POFUT2: variants seen among roughly 807,000 people sequenced by gnomAD.
POFUT2 encodes the protein protein O-fucosyltransferase 2.
In POFUT2, 30 loss-of-function variants were observed where a neutral mutation model predicts 55.0. That is an observed-to-expected ratio of 0.55 (90% CI 0.41 to 0.74). POFUT2 has a LOEUF of 0.74. POFUT2 is among the 30% of genes least tolerant of loss of function. The pLI is 0.00. For missense variants in POFUT2, 524 were observed against 562.6 expected (o/e 0.93, Z 0.69); for synonymous variants, 267 against 231.1 (o/e 1.16, Z -1.41).
rs533452742 is a variant in POFUT2 at position 45,279,731 on chromosome 21, T to C, written c.639-1562A>G. ...ACGCCCTCATGGTTCACACAAAGACTCTTCTACAGAAACCTGGAAACAACC... is the reference window on the plus strand; with the variant it reads ...ACGCCCTCATGGTTCACACAAAGACCCTTCTACAGAAACCTGGAAACAACC... On this transcript the variant is annotated intron_variant, in intron 4 of 8. Transcript: ENST00000349485. Among the ~76,000 whole-genome samples the C allele has an allele frequency of 3.9e-5, 6 of 152,252 alleles. No homozygotes were observed. The East Asian group carries it at 1.2e-3, about 29-fold the overall frequency.
rs1481185711 is a variant in POFUT2, at chr21:45,285,485, C to T, written c.382+193G>A. On this transcript the variant is annotated intron_variant, in intron 2 of 8. Coordinates refer to ENST00000349485, the MANE Select transcript of POFUT2 (RefSeq NM_133635.6). The surrounding 1 kb of genome is among the most constrained non-coding windows in gnomAD (Gnocchi z 4.9). ...TCCGAGAAACATTTTGGGAAGCTCA[C>T]TGCAGCGTGGGAAAGGGACTGTGCT... 4.3e-6 allele frequency: 3 copies of T among 697,444 alleles called. No individual in the cohort carries two copies. The highest frequency in any genetic ancestry group is 5.7e-5 in the East Asian group (2 of 35,052). 43.2% of individuals were successfully genotyped at this position (697,444 alleles called of 1,614,324 possible).
chr21:45,286,363 A>T (rs968419457), intron 1 of POFUT2, among the ~76,000 whole-genome samples: 1 of 152,268 alleles, frequency 6.6e-6, no homozygotes, highest in Non-Finnish European at 1.5e-5. Context: ...CATGTTAACA[A>T]AAACCACATA....
rs981028578 is a variant in POFUT2, at chr21:45,285,066, G to T, written c.382+612C>A. Among the ~76,000 whole-genome samples the T allele has an allele frequency of 8.7e-4, 133 of 152,264 alleles. No homozygotes were observed. The highest frequency in any genetic ancestry group is 1.6e-4 in the Non-Finnish European group (11 of 68,014). On this transcript the variant is annotated intron_variant, in intron 2 of 8. Transcript: ENST00000349485. This position sits in a 1 kb window ranked among gnomAD's most constrained non-coding sequence, Gnocchi z 4.9. ...GCTGTCGAGTAAGAACTCAACAGATGCTGGAAAGCAGGAGCCTGACTCAAA... is the reference window on the plus strand; with the variant it reads ...GCTGTCGAGTAAGAACTCAACAGATTCTGGAAAGCAGGAGCCTGACTCAAA...
Position 45,277,745 on chromosome 21 carries a change from G to A in POFUT2, c.705+358C>T, listed in dbSNP as rs958958522. ...AAATCAACGCCAACGGAAAAGACCC[G>A]CTGCAGAGAATAGTCCCACCTTTCA... On this transcript the variant is annotated intron_variant, in intron 5 of 8. Coordinates refer to ENST00000349485, the MANE Select transcript of POFUT2 (RefSeq NM_133635.6). The surrounding 1 kb of genome is among the most constrained non-coding windows in gnomAD (Gnocchi z 6.9). 5 of 281,272 alleles carry A rather than the reference G, an allele frequency of 1.8e-5. No homozygotes were observed. The highest frequency in any genetic ancestry group is 6.6e-5 in the African/African-American group (3 of 45,214). 17.4% of individuals were successfully genotyped at this position (281,272 alleles called of 1,614,324 possible).
At position 45,282,482 on chromosome 21, in the gene POFUT2, G is replaced by T; in HGVS notation, c.528-23C>A. On this transcript the variant is annotated intron_variant, in intron 3 of 8. Coordinates refer to ENST00000349485, the MANE Select transcript of POFUT2 (RefSeq NM_133635.6). This position sits in a 1 kb window ranked among gnomAD's most constrained non-coding sequence, Gnocchi z 4.6. ...CCTCTGGAAAACAAAACCCACAGCA[G>T]CTCTATCAGTTTATTTTGCTTTCAC... 7.4e-7 allele frequency: 1 copy of T among 1,356,340 alleles called. No individual in the cohort carries two copies. The highest frequency in any genetic ancestry group is 1.1e-6 in the Non-Finnish European group (1 of 946,148). The allele number at this position is 1,356,340 out of a possible 1,614,324, so 84.0% of individuals were successfully genotyped here.
intron 7 of POFUT2, 106 bp downstream of exon 7, chr21:45,269,733 T>G: frequency 9.1e-7 from 1 of 1,099,066 alleles, no homozygotes; most frequent in Non-Finnish European, 1.3e-6. Flanking sequence ...CCACTATTGT[T>G]CCATGACCCT....
At position 45,269,961 on chromosome 21, in the gene POFUT2, T is replaced by C; in HGVS notation, c.890A>G (p.Asp297Gly). Residue 297 changes from aspartate (D) to glycine (G), a missense_variant, in exon 7 of 9, where the codon GAT becomes GGT. By Grantham distance (94) the Asp-to-Gly change is moderately conservative. This residue lies in a region of POFUT2 where 250 missense variants were observed against 318.2 expected (regional missense o/e 0.79). Coordinates refer to ENST00000349485, the MANE Select transcript of POFUT2 (RefSeq NM_133635.6). Reference sequence around the variant, plus strand: ...ATCCTGTCTGTGACCCCAGATGAAATCTTTTCTTCTCAGGTGGACTCCCAG... The same window carrying C: ...ATCCTGTCTGTGACCCCAGATGAAACCTTTTCTTCTCAGGTGGACTCCCAG... ...PYLGVHLRRK[D>G]FIWGHRQDVP... The C allele has an allele frequency of 6.3e-7, 1 of 1,592,206 alleles. No individual in the cohort carries two copies. Among genetic ancestry groups the C allele is most frequent in the Non-Finnish European group, 8.5e-7 (1 of 1,172,942 alleles).
Position 45,282,842 on chromosome 21 carries a change from C to T in POFUT2, c.528-383G>A, listed in dbSNP as rs767883507. 23 of 482,640 alleles carry T rather than the reference C, an allele frequency of 4.8e-5. 2 individuals are homozygous for T. The highest frequency in any genetic ancestry group is 3.4e-4 in the South Asian group (22 of 64,654). 29.9% of individuals were successfully genotyped at this position (482,640 alleles called of 1,614,324 possible). ...GAGCCAGCTGCCCTGGCACTGGACA[C>T]ATGGAGGCTGTTAACTGACAGCTTT... On this transcript the variant is annotated intron_variant, in intron 3 of 8. Transcript: ENST00000349485. This position sits in a 1 kb window ranked among gnomAD's most constrained non-coding sequence, Gnocchi z 4.6.
intron 7 of POFUT2, among the ~76,000 whole-genome samples, chr21:45,269,208 T>G: frequency 6.7e-6 from 1 of 149,248 alleles, no homozygotes. Context: ...GTCCGGGAGG[T>G]GAGGGGCGCC....
At position 45,277,998 on chromosome 21, in the gene POFUT2, A is replaced by T; in HGVS notation, c.705+105T>A. 1.0e-6 allele frequency: 1 copy of T among 958,654 alleles called. No individual in the cohort carries two copies. The highest frequency in any genetic ancestry group is 1.7e-6 in the Non-Finnish European group (1 of 589,866). 59.4% of individuals were successfully genotyped at this position (958,654 alleles called of 1,614,324 possible). ...ATCCATGGCTTAAAATGATGGTTTTAATCAGCAAGGTTCAAAAAGAGCTGT... is the reference window on the plus strand; with the variant it reads ...ATCCATGGCTTAAAATGATGGTTTTTATCAGCAAGGTTCAAAAAGAGCTGT... On this transcript the variant is annotated intron_variant, in intron 5 of 8. Transcript: ENST00000349485. This position sits in a 1 kb window ranked among gnomAD's most constrained non-coding sequence, Gnocchi z 6.9.
intron 6 of POFUT2, among the ~76,000 whole-genome samples, chr21:45,272,541 C>A (rs1024218847): frequency 3.9e-5 from 6 of 152,086 alleles, no homozygotes; most frequent in Admixed American, 6.5e-5. Context: ...CAAACTATAC[C>A]CTGGAACAAG....
rs2031648760 is a variant in POFUT2 at position 45,287,803 on chromosome 21, G to GCC, written c.67_68dup (p.Gln24AlafsTer48). 4.0e-6 allele frequency: 6 copies of GCC among 1,513,844 alleles called. No individual in the cohort carries two copies. The highest frequency in any genetic ancestry group is 5.3e-6 in the Non-Finnish European group (6 of 1,127,474). 93.8% of individuals were successfully genotyped at this position (1,513,844 alleles called of 1,614,324 possible). Reference sequence around the variant, plus strand: ...CCGATTGTCCGGGCCAGAACTCCTGGCCGGAGGCAGAAGCCGGAGGCCAGG... The same window carrying GCC: ...CCGATTGTCCGGGCCAGAACTCCTGGCCCCGGAGGCAGAAGCCGGAGGCCAGG... On this transcript the variant is annotated frameshift_variant, in exon 1 of 9. Coordinates refer to ENST00000349485, the MANE Select transcript of POFUT2 (RefSeq NM_133635.6). LOFTEE classifies it high-confidence loss of function.
rs369267557 is a variant in POFUT2 at position 45,268,561 on chromosome 21, C to T, written c.1013-848G>A. Among the ~76,000 whole-genome samples, 112 of 151,742 alleles carry T rather than the reference C, an allele frequency of 7.4e-4. 2 individuals carry two copies. In the East Asian group the frequency reaches 0.021, roughly 28 times the overall value. ...AGGAGCACCTCTTTCCGGCCGCCATCACATCTAGGAAGTGAGGAGCGTCTC... is the reference window on the plus strand; with the variant it reads ...AGGAGCACCTCTTTCCGGCCGCCATTACATCTAGGAAGTGAGGAGCGTCTC... On this transcript the variant is annotated intron_variant, in intron 7 of 8. Coordinates refer to ENST00000349485, the MANE Select transcript of POFUT2 (RefSeq NM_133635.6).
At chr21:45,269,077 G>A (rs1245725204) in intron 7 of POFUT2, among the ~76,000 whole-genome samples, 2 of 136,138 alleles carry the variant, frequency 1.5e-5, no homozygotes, top group African/African-American at 5.9e-5. Flanking sequence ...CCCCGTCCGG[G>A]AGGTGAGGGG....
chr21:45,283,634 T>G, intron 2 of POFUT2, 107 bp from the exon 3 acceptor site: 1 of 1,127,190 alleles, frequency 8.9e-7, no homozygotes, highest in Non-Finnish European at 1.3e-6. Context: ...CACCACCCTA[T>G]TCCCAAAGGG....
At position 45,265,722 on chromosome 21, in the gene POFUT2, A is replaced by G; in HGVS notation, c.1137-87T>C. The G allele has an allele frequency of 6.6e-7, 1 of 1,520,312 alleles. No individual in the cohort carries two copies. The highest frequency in any genetic ancestry group is 8.8e-7 in the Non-Finnish European group (1 of 1,139,580). 94.2% of individuals were successfully genotyped at this position (1,520,312 alleles called of 1,614,324 possible). ...CAGGGAGAACTGAGAGGAGCAGCTGAGTGAAATGAGTTCCACAGTTACATG... is the reference window on the plus strand; with the variant it reads ...CAGGGAGAACTGAGAGGAGCAGCTGGGTGAAATGAGTTCCACAGTTACATG... On this transcript the variant is annotated intron_variant, in intron 8 of 8. Coordinates refer to ENST00000349485, the MANE Select transcript of POFUT2 (RefSeq NM_133635.6). This position sits in a 1 kb window ranked among gnomAD's most constrained non-coding sequence, Gnocchi z 4.6.
intron 8 of POFUT2, chr21:45,266,711 T>A: frequency 1.0e-6 from 1 of 1,000,428 alleles, no homozygotes; most frequent in Non-Finnish European, 1.2e-6. Flanking sequence ...TTACACACCA[T>A]GCCCAGAACA....
In POFUT2 at chr21:45,265,714, A is replaced by G. The variant is rs1044129629; in HGVS notation, c.1137-79T>C. On this transcript the variant is annotated intron_variant, in intron 8 of 8. Coordinates refer to ENST00000349485, the MANE Select transcript of POFUT2 (RefSeq NM_133635.6). This position sits in a 1 kb window ranked among gnomAD's most constrained non-coding sequence, Gnocchi z 4.6. ...TCCAGAGTCAGGGAGAACTGAGAGG[A>G]GCAGCTGAGTGAAATGAGTTCCACA... 39 of 1,530,456 alleles carry G rather than the reference A, an allele frequency of 2.5e-5. No individual in the cohort carries two copies. The highest frequency in any genetic ancestry group is 3.3e-5 in the Non-Finnish European group (38 of 1,144,102). The allele number at this position is 1,530,456 out of a possible 1,614,324, so 94.8% of individuals were successfully genotyped here. A position where few individuals can be genotyped will look rare whatever the true frequency, so the allele number is the denominator to read the frequency against.
intron 6 of POFUT2, among the ~76,000 whole-genome samples, chr21:45,272,168 C>T (rs2093224440): frequency 6.6e-6 from 1 of 152,086 alleles, no homozygotes; most frequent in African/African-American, 2.4e-5. Context: ...AAGAGACTGA[C>T]CTAACACATA....
Sources: allele counts gnomAD v4.1 joint callset (sites outside exome capture counted in the v4.1 genomes callset), GRCh38; gene constraint gnomAD v4.1.1; regional missense constraint gnomAD v4.1.1; non-coding constraint Gnocchi (gnomAD v3.1); transcripts MANE v1.5; gene names NCBI Gene and HGNC (gene_info 2026-07-23, HGNC 2026-07-21).